RIGI: variants seen among roughly 807,000 people sequenced by gnomAD.
The protein encoded by RIGI is antiviral innate immune response receptor RIG-I.
the RIGI span, chr9:32,457,100 G>A: frequency 8.2e-6 from 13 of 1,594,816 alleles, no homozygotes; most frequent in South Asian, 1.3e-4. Flanking sequence ...ATTCCCTGTA[G>A]CTGAAGATTG....
At chr9:32,473,596 A>AT in the RIGI span, among the ~76,000 whole-genome samples, 3 of 152,116 alleles carry the variant, frequency 2.0e-5, no homozygotes, top group African/African-American at 7.2e-5. Flanking sequence ...TCTCTAAGAC[A>AT]TTTTTAAAAG....
At chr9:32,516,421 G>A in the RIGI span, among the ~76,000 whole-genome samples, 10 of 152,282 alleles carry the variant, frequency 6.6e-5, no homozygotes, top group African/African-American at 2.4e-4. Flanking sequence ...TTCAGTAACA[G>A]ATTTTTGTGG....
At chr9:32,464,634 C>G in the RIGI span, among the ~76,000 whole-genome samples, 2 of 152,302 alleles carry the variant, frequency 1.3e-5, no homozygotes, top group Non-Finnish European at 2.9e-5. Flanking sequence ...GCCTCGGCCT[C>G]CCAAAGTGCT....
chr9:32,525,510 G>C, the RIGI span, among the ~76,000 whole-genome samples: 2 of 152,194 alleles, frequency 1.3e-5, no homozygotes, highest in Non-Finnish European at 2.9e-5. Context: ...TCCGAAGTTA[G>C]ATGGAAACAC....
the RIGI span, chr9:32,480,438 A>T: frequency 7.5e-7 from 1 of 1,337,572 alleles, no homozygotes; most frequent in Non-Finnish European, 9.9e-7. Flanking sequence ...GTATTTAACG[A>T]ATTGTTTTAA....
chr9:32,481,592 T>G, the RIGI span: 1 of 950,600 alleles, frequency 1.1e-6, no homozygotes, highest in Admixed American at 2.9e-5. Flanking sequence ...CTTTTTCTTT[T>G]TTTTTTTCCT....
chr9:32,475,795 C>T, the RIGI span, among the ~76,000 whole-genome samples: 1 of 151,888 alleles, frequency 6.6e-6, no homozygotes, highest in African/African-American at 2.4e-5. Flanking sequence ...AGGCAAAAAC[C>T]CATAAAAGAA....
the RIGI span, chr9:32,466,173 TA>T: frequency 9.5e-7 from 1 of 1,047,882 alleles, no homozygotes; most frequent in Non-Finnish European, 1.4e-6. Flanking sequence ...TCACTAAGTA[TA>T]AACTTTTTGT....
At chr9:32,457,151 G>A in the RIGI span, 2 of 1,613,600 alleles carry the variant, frequency 1.2e-6, no homozygotes, top group Non-Finnish European at 1.7e-6. Context: ...GGATCAAATG[G>A]TATCTTCTCA....
chr9:32,481,325 A>C, the RIGI span: 6 of 1,608,320 alleles, frequency 3.7e-6, no homozygotes, highest in Non-Finnish European at 5.1e-6. Flanking sequence ...ACGACTCTTA[A>C]AAAGAGGAAC....
At chr9:32,481,281 C>T in the RIGI span, 15 of 1,516,498 alleles carry the variant, frequency 9.9e-6, no homozygotes, top group South Asian at 2.5e-5. Flanking sequence ...TTGGCTTCCA[C>T]GGTGCCACTC....
At chr9:32,496,371 C>T in the RIGI span, among the ~76,000 whole-genome samples, 2 of 152,156 alleles carry the variant, frequency 1.3e-5, no homozygotes, top group African/African-American at 4.8e-5. Flanking sequence ...GTTTTCAGAA[C>T]AGATTATCAT....
At chr9:32,463,382 T>C in the RIGI span, among the ~76,000 whole-genome samples, 1 of 152,244 alleles carries the variant, frequency 6.6e-6, no homozygotes, top group Non-Finnish European at 1.5e-5. Context: ...ATTTTCTTTT[T>C]TAATTTCTTT....
At chr9:32,463,220 A>G in the RIGI span, among the ~76,000 whole-genome samples, 1 of 152,230 alleles carries the variant, frequency 6.6e-6, no homozygotes, top group Non-Finnish European at 1.5e-5. Flanking sequence ...TTTTGTAAAA[A>G]TAAAGGGTGT....
the RIGI span, among the ~76,000 whole-genome samples, chr9:32,521,400 C>T: frequency 2.0e-5 from 3 of 152,104 alleles, no homozygotes; most frequent in Middle Eastern, 3.4e-3. Flanking sequence ...CTTTATTAGG[C>T]CTTATTGTTG....
At chr9:32,472,966 T>C in the RIGI span, 3 of 1,598,074 alleles carry the variant, frequency 1.9e-6, no homozygotes, top group Admixed American at 1.7e-5. Flanking sequence ...ATTCACTATA[T>C]ATAAATACCT....
the RIGI span, among the ~76,000 whole-genome samples, chr9:32,500,160 C>A: frequency 1.3e-5 from 2 of 152,298 alleles, no homozygotes; most frequent in South Asian, 4.1e-4. Flanking sequence ...GAAAGAAAAG[C>A]CCCAATCTAC....
At chr9:32,471,869 C>T in the RIGI span, among the ~76,000 whole-genome samples, 10 of 152,108 alleles carry the variant, frequency 6.6e-5, no homozygotes, top group Non-Finnish European at 5.9e-5. Flanking sequence ...TTTTTAAGAT[C>T]TGAATCTACT....
At chr9:32,484,783 C>T in the RIGI span, among the ~76,000 whole-genome samples, 11 of 152,232 alleles carry the variant, frequency 7.2e-5, no homozygotes, top group African/African-American at 2.4e-4. Flanking sequence ...CATCTCTAGT[C>T]GCACTCCTTT....
Sources: gnomAD v4.1 joint callset for allele counts (sites outside exome capture counted in the v4.1 genomes callset) on GRCh38, gnomAD v4.1.1 for gene constraint, MANE v1.5 for transcripts, NCBI Gene and HGNC (gene_info 2026-07-23, HGNC 2026-07-21) for gene names.